Variants in THRB observed in about 807,000 individuals in gnomAD.
THRB encodes the protein nuclear receptor subfamily 1 group A member 2.
A neutral mutation model predicts 47.8 loss-of-function variants in THRB; 12 were observed. That is an observed-to-expected ratio of 0.25 (90% confidence interval 0.16 to 0.41). The LOEUF (loss-of-function observed/expected upper bound fraction) is 0.41, where lower values mean the gene tolerates loss of function less well. THRB is among the 10% of genes least tolerant of loss of function. THRB has a pLI of 1.00. For missense variants in THRB, 348 were observed against 589.2 expected, an observed-to-expected ratio of 0.59 and a Z score of 4.24; for synonymous variants, 218 against 212.2, an observed-to-expected ratio of 1.03 and a Z score of -0.24.
At chr3:24,150,212 G>A (rs769116956) in intron 6 of THRB, among the ~76,000 whole-genome samples, 4 of 152,146 alleles carry the variant, frequency 2.6e-5, no homozygotes, top group Non-Finnish European at 4.4e-5. Flanking sequence ...CTGGCAAAAA[G>A]GATTCTCTCC....
chr3:24,300,222 A>G (rs563121640), intron 2 of THRB, among the ~76,000 whole-genome samples: 2 of 152,160 alleles, frequency 1.3e-5, no homozygotes, highest in South Asian at 4.1e-4. Flanking sequence ...ACCAGGAATT[A>G]AGGACAAAGT....
intron 3 of THRB, among the ~76,000 whole-genome samples, chr3:24,275,599 T>C (rs1386217852): frequency 6.6e-6 from 1 of 152,244 alleles, no homozygotes; most frequent in Non-Finnish European, 1.5e-5. Flanking sequence ...TGGGGGGCCA[T>C]ACTTCTGTTT....
At chr3:24,446,222 A>T (rs1418936514) in intron 1 of THRB, among the ~76,000 whole-genome samples, 1 of 152,094 alleles carries the variant, frequency 6.6e-6, no homozygotes, top group Admixed American at 6.6e-5. Context: ...TGTTCCTCTA[A>T]TTTTACTCCA....
chr3:24,479,403 A>G (rs945418808), intron 1 of THRB, among the ~76,000 whole-genome samples: 5 of 152,228 alleles, frequency 3.3e-5, no homozygotes, highest in African/African-American at 1.2e-4. Context: ...TAAAATGTCA[A>G]CAAGTCTGAG....
intron 2 of THRB, among the ~76,000 whole-genome samples, chr3:24,335,500 T>A (rs921617110): frequency 6.6e-6 from 1 of 152,208 alleles, no homozygotes; most frequent in Admixed American, 6.5e-5. Flanking sequence ...GCCGAATTTA[T>A]GTTTTCTTTA....
intron 1 of THRB, among the ~76,000 whole-genome samples, chr3:24,426,702 T>TC (rs1229500399): frequency 2.0e-5 from 3 of 151,998 alleles, no homozygotes; most frequent in Non-Finnish European, 2.9e-5. Flanking sequence ...TCATGCTCTG[T>TC]ACTAGCTCAC....
intron 3 of THRB, among the ~76,000 whole-genome samples, chr3:24,273,564 A>C (rs1251017424): frequency 6.6e-6 from 1 of 152,256 alleles, no homozygotes; most frequent in African/African-American, 2.4e-5. Context: ...CTTTAATCTC[A>C]AAATCCTAAA....
chr3:24,476,446 C>T (rs1340235137), intron 1 of THRB, among the ~76,000 whole-genome samples: 2 of 152,098 alleles, frequency 1.3e-5, no homozygotes, highest in African/African-American at 4.8e-5. Flanking sequence ...TGGTTGCCAT[C>T]TTCAATCAGA....
chr3:24,155,627 G>A (rs1575460837), intron 5 of THRB, among the ~76,000 whole-genome samples: 1 of 152,146 alleles, frequency 6.6e-6, no homozygotes, highest in African/African-American at 2.4e-5. Flanking sequence ...TCTTGCTGTT[G>A]TATTTCCTGT....
chr3:24,319,676 A>T (rs935334026), intron 2 of THRB, among the ~76,000 whole-genome samples: 3 of 152,194 alleles, frequency 2.0e-5, no homozygotes, highest in Non-Finnish European at 4.4e-5. Context: ...AAAAAAATGG[A>T]GCTTTATATG....
At chr3:24,138,546 A>G (rs760668086) in intron 8 of THRB, among the ~76,000 whole-genome samples, 6 of 152,182 alleles carry the variant, frequency 3.9e-5, no homozygotes, top group Non-Finnish European at 8.8e-5. Context: ...AACTTGCCCA[A>G]AGAAGTCACA....
Position 24,456,166 on chromosome 3 carries a change from GA to G in THRB, c.-261+38485del, listed in dbSNP as rs1009997960. On this transcript the variant is annotated intron_variant, in intron 1 of 10. Coordinates refer to ENST00000646209, the MANE Select transcript of THRB (RefSeq NM_001354712.2). The stretch of plus-strand genomic sequence containing the variant: ...CAACATAGTGAGGCCTAATCTCTAA[GA>G]AAAAAAATTTTTTAAAAATTAACTG... Among the ~76,000 whole-genome samples, 4 of 151,464 alleles carry G rather than the reference GA, an allele frequency of 2.6e-5. No homozygotes were observed. In the East Asian group the frequency reaches 7.7e-4, roughly 29 times the overall value.
intron 3 of THRB, among the ~76,000 whole-genome samples, chr3:24,241,028 G>C (rs899349083): frequency 1.3e-5 from 2 of 152,164 alleles, no homozygotes; most frequent in Non-Finnish European, 2.9e-5. Context: ...TTGGTGGACT[G>C]TGCCCACTGA....
chr3:24,492,799 A>G (rs1305496801), intron 1 of THRB, among the ~76,000 whole-genome samples: 1 of 152,250 alleles, frequency 6.6e-6, no homozygotes, highest in Non-Finnish European at 1.5e-5. Flanking sequence ...CAGTTGCTTT[A>G]TGTAACAATA....
intron 3 of THRB, among the ~76,000 whole-genome samples, chr3:24,265,756 T>C (rs1402864428): frequency 6.6e-6 from 1 of 152,078 alleles, no homozygotes; most frequent in Non-Finnish European, 1.5e-5. Flanking sequence ...ATTATTTGAG[T>C]GTATTAATTT....
chr3:24,305,321 T>C (rs1281778395), intron 2 of THRB, among the ~76,000 whole-genome samples: 1 of 152,152 alleles, frequency 6.6e-6, no homozygotes, highest in East Asian at 1.9e-4. Context: ...TGCTAAAGTG[T>C]GAAAACCATT....
chr3:24,237,124 T>C (rs2048954822), intron 3 of THRB, among the ~76,000 whole-genome samples: 1 of 152,146 alleles, frequency 6.6e-6, no homozygotes, highest in African/African-American at 2.4e-5. Context: ...TGTGGAAAAC[T>C]AGTGAAAGCT....
intron 4 of THRB, among the ~76,000 whole-genome samples, chr3:24,209,036 A>G (rs1313649659): frequency 4.6e-5 from 7 of 152,164 alleles, no homozygotes; most frequent in African/African-American, 1.4e-4. Context: ...ATATGAACAG[A>G]CTCTTCTCAA....
rs1360367092 is a variant in THRB, at chr3:24,299,766, C to CTTTTTTT, written c.-188-2396_-188-2395insAAAAAAA. Among the ~76,000 whole-genome samples the CTTTTTTT allele has an allele frequency of 6.9e-3, 400 of 57,698 alleles. 108 individuals carry two copies. The highest frequency in any genetic ancestry group is 0.018 in the African/African-American group (215 of 12,204). 37.9% of individuals were successfully genotyped at this position (57,698 alleles called of 152,430 possible). On this transcript the variant is annotated intron_variant, in intron 2 of 10. Transcript: ENST00000646209. ...GCCTTGAGGCTTCTGGGGAAGTATG[C>CTTTTTTT]TTTTTTATTTATTTATTTATTTATT...
Sources: gnomAD v4.1 joint callset for allele counts (sites outside exome capture counted in the v4.1 genomes callset) on GRCh38, gnomAD v4.1.1 for gene constraint, MANE v1.5 for transcripts, NCBI Gene and HGNC (gene_info 2026-07-23, HGNC 2026-07-21) for gene names.